GNPTAB: variants seen among roughly 807,000 people sequenced by gnomAD.
GNPTAB encodes the protein N-acetylglucosamine-1-phosphotransferase subunits alpha/beta.
In GNPTAB, 92 loss-of-function variants were observed where a neutral mutation model predicts 136.6. The ratio of observed to expected loss-of-function variants is 0.67; its 90% CI spans 0.57 to 0.80. GNPTAB has a LOEUF of 0.80. GNPTAB is among the 30% of genes least tolerant of loss of function. The probability of loss-of-function intolerance (pLI) is 0.00; values close to 1 mark genes in which losing one functional copy is unlikely to be tolerated. For missense variants in GNPTAB, 1,343 were observed against 1,501.8 expected, an observed-to-expected ratio of 0.89 and a Z score of 1.75; for synonymous variants, 512 against 535.1, an observed-to-expected ratio of 0.96 and a Z score of 0.60.
rs188125238 is a variant in GNPTAB, at chr12:101,762,734, T to C, written c.2716-971A>G. Among the ~76,000 whole-genome samples, 380 of 151,928 alleles carry C rather than the reference T, an allele frequency of 2.5e-3. 5 individuals carry two copies. Among genetic ancestry groups the C allele is most frequent in the African/African-American group, 8.1e-3 (336 of 41,448 alleles). ...CTCTATATATAACTATACATACATATAGGTATGTTTGCATAGCTATAGAAA... is the reference window on the plus strand; with the variant it reads ...CTCTATATATAACTATACATACATACAGGTATGTTTGCATAGCTATAGAAA... On this transcript the variant is annotated intron_variant, in intron 13 of 20. Transcript: ENST00000299314.
chr12:101,787,188 G>A (rs528179626), intron 4 of GNPTAB, among the ~76,000 whole-genome samples: 20 of 152,262 alleles, frequency 1.3e-4, no homozygotes, highest in Admixed American at 1.2e-3. Context: ...CACAGAAAAT[G>A]CCACAGACCT....
At chr12:101,788,430 CA>C in intron 4 of GNPTAB, 117 bp downstream of exon 4, 3 of 744,094 alleles carry the variant, frequency 4.0e-6, no homozygotes, top group Admixed American at 2.0e-5. Flanking sequence ...AATTTGGGGT[CA>C]AAAACTATAT....
chr12:101,766,962 G>T (rs1370181973), intron 11 of GNPTAB, among the ~76,000 whole-genome samples: 1 of 152,092 alleles, frequency 6.6e-6, no homozygotes, highest in Non-Finnish European at 1.5e-5. Context: ...TCCAAACGTG[G>T]GTAACATGTT....
At position 101,747,317 on chromosome 12, in the gene GNPTAB, G is replaced by C. The variant is rs986362776; in HGVS notation, c.3694-76C>G. Reference sequence around the variant, plus strand: ...AATATAAGTGCATCAAACTTTCTAAGAGCCATATGACCTTAATCATTTCCA... The same window carrying C: ...AATATAAGTGCATCAAACTTTCTAACAGCCATATGACCTTAATCATTTCCA... On this transcript the variant is annotated intron_variant, in intron 20 of 20. Coordinates refer to ENST00000299314, the MANE Select transcript of GNPTAB (RefSeq NM_024312.5). 5 of 804,404 alleles carry C rather than the reference G, an allele frequency of 6.2e-6. No homozygotes were observed. The African/African-American group carries it at 8.5e-5, about 14-fold the overall frequency. The allele number at this position is 804,404 out of a possible 1,614,324, so 49.8% of individuals were successfully genotyped here.
At chr12:101,787,098 C>T (rs1047933822) in intron 4 of GNPTAB, among the ~76,000 whole-genome samples, 1 of 152,144 alleles carries the variant, frequency 6.6e-6, no homozygotes, top group African/African-American at 2.4e-5. Context: ...ACATAAGCTT[C>T]GTCCTCAGTA....
intron 1 of GNPTAB, among the ~76,000 whole-genome samples, chr12:101,825,099 T>C (rs1386574459): frequency 2.6e-5 from 4 of 152,246 alleles, no homozygotes; most frequent in Non-Finnish European, 5.9e-5. Context: ...GTCTTCTGAC[T>C]TTCTAAGCAA....
At chr12:101,812,792 C>T (rs1003210859) in intron 1 of GNPTAB, among the ~76,000 whole-genome samples, 1 of 152,020 alleles carries the variant, frequency 6.6e-6, no homozygotes, top group African/African-American at 2.4e-5. Flanking sequence ...TTGTTCCTCT[C>T]CATGAAAATA....
chr12:101,830,495 C>A, intron 1 of GNPTAB, 64 bp downstream of exon 1: 3 of 868,526 alleles, frequency 3.5e-6, no homozygotes, highest in Admixed American at 1.8e-5. Flanking sequence ...CGGGGCATCG[C>A]GGGGCACGGC....
chr12:101,786,903 GCACC>G (rs1243066315), intron 4 of GNPTAB, among the ~76,000 whole-genome samples: 1 of 152,088 alleles, frequency 6.6e-6, no homozygotes, highest in East Asian at 1.9e-4. Flanking sequence ...TACTAAATTA[GCACC>G]CCTCAAAAAA....
intron 12 of GNPTAB, chr12:101,765,534 C>G (rs1953077643): frequency 1.9e-6 from 1 of 536,826 alleles, no homozygotes; most frequent in South Asian, 2.1e-5. Flanking sequence ...CTAAGAGTGA[C>G]TTTAATTTCA....
chr12:101,805,671 A>G (rs150416711), intron 1 of GNPTAB, among the ~76,000 whole-genome samples: 4 of 152,330 alleles, frequency 2.6e-5, no homozygotes, highest in African/African-American at 9.6e-5. Context: ...GCTGGGATTC[A>G]GGCCTGAGCC....
At chr12:101,802,815 C>T (rs1471203305) in intron 1 of GNPTAB, among the ~76,000 whole-genome samples, 1 of 152,144 alleles carries the variant, frequency 6.6e-6, no homozygotes, top group Non-Finnish European at 1.5e-5. Context: ...ACTGTGCCTA[C>T]CTCTGATCTA....
intron 1 of GNPTAB, among the ~76,000 whole-genome samples, chr12:101,826,716 A>C (rs1871100233): frequency 6.6e-6 from 1 of 152,086 alleles, no homozygotes; most frequent in African/African-American, 2.4e-5. Context: ...TGAAATAATA[A>C]ATTTTAACTC....
At chr12:101,781,845 T>A (rs1868365693) in intron 5 of GNPTAB, among the ~76,000 whole-genome samples, 1 of 152,222 alleles carries the variant, frequency 6.6e-6, no homozygotes, top group African/African-American at 2.4e-5. Flanking sequence ...TATGATGAAT[T>A]CTACCTAACA....
At chr12:101,829,026 C>T (rs373926784) in intron 1 of GNPTAB, among the ~76,000 whole-genome samples, 94 of 152,304 alleles carry the variant, frequency 6.2e-4, no homozygotes, top group African/African-American at 2.1e-3. Context: ...TAACCACAGG[C>T]CAGCTGCCTT....
Position 101,800,705 on chromosome 12 carries a change from G to A in GNPTAB, c.118-3943C>T, listed in dbSNP as rs183726422. On this transcript the variant is annotated intron_variant, in intron 1 of 20. Transcript: ENST00000299314. ...AGGCAGGAGAATCGCTTGAACCTGG[G>A]AGGCAGAAGTTGCAGTGAGCTGAGA... Among the ~76,000 whole-genome samples, 710 of 152,014 alleles carry A rather than the reference G, an allele frequency of 4.7e-3. 2 individuals are homozygous for A. The highest frequency in any genetic ancestry group is 7.3e-3 in the Non-Finnish European group (494 of 67,974).
intron 1 of GNPTAB, among the ~76,000 whole-genome samples, chr12:101,800,678 T>A (rs1476532374): frequency 1.3e-5 from 2 of 149,054 alleles, no homozygotes; most frequent in Admixed American, 1.3e-4. Flanking sequence ...CTAGGGAGGC[T>A]AAGGCAGGAG....
At position 101,764,747 on chromosome 12, in the gene GNPTAB, T is replaced by C; in HGVS notation, c.2170A>G (p.Thr724Ala). 1 of 1,613,998 alleles carries C rather than the reference T, an allele frequency of 6.2e-7. No homozygotes were observed. Among genetic ancestry groups the C allele is most frequent in the Non-Finnish European group, 8.5e-7 (1 of 1,179,910 alleles). ...LDLQLEHGDI[T>A]LKGYNLSKSA... is the part of the protein sequence containing the mutation. Reference sequence around the variant, plus strand: ...TTGGACAAATTGTATCCTTTCAAAGTGATGTCTCCATGTTCCAGTTGCAAA... The same window carrying C: ...TTGGACAAATTGTATCCTTTCAAAGCGATGTCTCCATGTTCCAGTTGCAAA... The change falls in exon 13 of 21, where the codon ACT (threonine) becomes GCT (alanine). Residue 724 changes from threonine (T) to alanine (A), a missense_variant. Thr to Ala is a moderately conservative substitution (Grantham distance 58). Coordinates refer to ENST00000299314, the MANE Select transcript of GNPTAB (RefSeq NM_024312.5).
intron 1 of GNPTAB, among the ~76,000 whole-genome samples, chr12:101,804,145 C>T (rs983378392): frequency 6.6e-6 from 1 of 151,906 alleles, no homozygotes; most frequent in East Asian, 1.9e-4. Context: ...GCCCAGGAGC[C>T]GGAGGTTGCG....
Sources: allele counts gnomAD v4.1 joint callset (sites outside exome capture counted in the v4.1 genomes callset), GRCh38; gene constraint gnomAD v4.1.1; transcripts MANE v1.5; gene names NCBI Gene and HGNC (gene_info 2026-07-23, HGNC 2026-07-21).